The following GLI3 variants were observed in gnomAD, a reference collection of about 807,000 sequenced individuals.
GLI3 encodes the protein transcription activator GLI3.
A neutral mutation model predicts 100.8 loss-of-function variants in GLI3; 20 were observed. The ratio of observed to expected loss-of-function variants is 0.20; its 90% confidence interval spans 0.14 to 0.29. The LOEUF is 0.29. Ranked by LOEUF, GLI3 falls within the 10% of genes least tolerant of loss-of-function variation. The pLI is 1.00. For missense variants in GLI3, 2,040 were observed against 2,128.5 expected (o/e 0.96, Z 0.82); for synonymous variants, 938 against 860.5 (o/e 1.09, Z -1.58).
Position 42,148,286 on chromosome 7 carries a change from G to A in GLI3, c.307C>T (p.Pro103Ser), listed in dbSNP as rs752699928. 3.7e-6 allele frequency: 6 copies of A among 1,613,086 alleles called. No homozygotes were observed. Among genetic ancestry groups the A allele is most frequent in the Middle Eastern group, 3.3e-4 (2 of 6,060 alleles). ...SLPHVAEPSV[P>S]YRGTVFAMDP... ...ATGGCAAACACCGTCCCGCGGTACGGCACAGAGGGCTCCGCCACGTGTGGC... is the reference window on the plus strand; with the variant it reads ...ATGGCAAACACCGTCCCGCGGTACGACACAGAGGGCTCCGCCACGTGTGGC... The change falls in exon 3 of 15, where the codon CCG becomes TCG. Residue 103 changes from proline (P) to serine (S), a missense_variant. Physicochemically the swap from Pro to Ser is moderately conservative, Grantham distance 74. This residue lies in a region of GLI3 where 603 missense variants were observed against 690.9 expected (regional missense o/e 0.87). Coordinates refer to ENST00000395925, the MANE Select transcript of GLI3 (RefSeq NM_000168.6).
chr7:42,011,264 G>A (rs1317245491), intron 10 of GLI3, among the ~76,000 whole-genome samples: 1 of 152,188 alleles, frequency 6.6e-6, no homozygotes, highest in Non-Finnish European at 1.5e-5. Context: ...CAGGCAAGAA[G>A]GGGTGGTACT....
At chr7:42,203,419 C>T (rs774190879) in intron 2 of GLI3, among the ~76,000 whole-genome samples, 1 of 152,144 alleles carries the variant, frequency 6.6e-6, no homozygotes, top group South Asian at 2.1e-4. Context: ...CTCTGGTTAC[C>T]TACTACCATT....
chr7:42,054,283 T>C (rs1222450655), intron 4 of GLI3, among the ~76,000 whole-genome samples: 1 of 152,246 alleles, frequency 6.6e-6, no homozygotes, highest in Non-Finnish European at 1.5e-5. Context: ...AATATTATTA[T>C]ATAATCTAAT....
chr7:41,968,314 T>C (rs1411640345), intron 13 of GLI3, among the ~76,000 whole-genome samples: 1 of 152,176 alleles, frequency 6.6e-6, no homozygotes, highest in Non-Finnish European at 1.5e-5. Flanking sequence ...GGACCATTTA[T>C]TTCAGGGATT....
intron 3 of GLI3, among the ~76,000 whole-genome samples, chr7:42,088,291 T>TC (rs1020140372): frequency 2.0e-5 from 3 of 152,190 alleles, no homozygotes; most frequent in African/African-American, 7.2e-5. Context: ...TACCTCATAC[T>TC]CATTGCTGGA....
intron 3 of GLI3, among the ~76,000 whole-genome samples, chr7:42,127,974 G>A (rs376103931): frequency 1.4e-5 from 2 of 144,916 alleles, no homozygotes; most frequent in Non-Finnish European, 3.0e-5. Flanking sequence ...AGCCATGATC[G>A]AGCCACCACA....
At chr7:41,988,485 G>A (rs1787892739) in intron 10 of GLI3, among the ~76,000 whole-genome samples, 1 of 59,016 alleles carries the variant, frequency 1.7e-5, no homozygotes. Flanking sequence ...GGGGGGGGGG[G>A]TGGGGCCTTA....
upstream of GLI3, among the ~76,000 whole-genome samples, chr7:42,239,897 A>G (rs190920341): frequency 1.3e-5 from 2 of 152,352 alleles, no homozygotes; most frequent in South Asian, 2.1e-4. Flanking sequence ...AAATAATGTC[A>G]TAATGCAGTG....
intron 1 of GLI3, among the ~76,000 whole-genome samples, chr7:42,260,235 T>C (rs1417135077): frequency 6.6e-6 from 1 of 152,208 alleles, no homozygotes; most frequent in African/African-American, 2.4e-5. Flanking sequence ...TTTGACAATT[T>C]CTACAAATAA....
At chr7:41,978,821 G>A in intron 10 of GLI3, 73 bp from the exon 11 acceptor site, 1 of 1,338,290 alleles carries the variant, frequency 7.5e-7, no homozygotes, top group East Asian at 2.3e-5. Flanking sequence ...AGAAGAAAAT[G>A]CAGAAAATAC....
At chr7:42,080,962 T>C (rs1225852471) in intron 3 of GLI3, among the ~76,000 whole-genome samples, 1 of 152,164 alleles carries the variant, frequency 6.6e-6, no homozygotes. Flanking sequence ...CTCAAGCGTA[T>C]ATGTAATAAG....
chr7:42,234,794 T>C (rs774772600), intron 1 of GLI3, among the ~76,000 whole-genome samples: 14 of 152,216 alleles, frequency 9.2e-5, no homozygotes, highest in Non-Finnish European at 1.9e-4. Flanking sequence ...AAGAATTGCA[T>C]ACCCTGAAAG....
At chr7:42,196,164 G>A (rs1003000388) in intron 2 of GLI3, among the ~76,000 whole-genome samples, 1 of 152,184 alleles carries the variant, frequency 6.6e-6, no homozygotes. Context: ...ATTTACTCAT[G>A]ATTAAAGACA....
chr7:42,149,819 G>A (rs903542330), intron 2 of GLI3, among the ~76,000 whole-genome samples: 3 of 152,124 alleles, frequency 2.0e-5, no homozygotes, highest in Non-Finnish European at 2.9e-5. Flanking sequence ...ATAAACATAA[G>A]AATAATGCTT....
rs113898315 is a variant in GLI3 at position 42,023,903 on chromosome 7, T to TAA, written c.1357-297_1357-296dup. On this transcript the variant is annotated intron_variant, in intron 9 of 14. Transcript: ENST00000395925. ...GCTGAAAATAAACCCAAATGTCATC[T>TAA]AAAAAAAAACCCAAAACAAAACGTA... Among the ~76,000 whole-genome samples, 485 of 150,942 alleles carry TAA rather than the reference T, an allele frequency of 3.2e-3. 9 individuals carry two copies. The highest frequency in any genetic ancestry group is 0.01 in the African/African-American group (420 of 41,146).
At chr7:41,994,815 G>A (rs934427472) in intron 10 of GLI3, among the ~76,000 whole-genome samples, 1 of 152,176 alleles carries the variant, frequency 6.6e-6, no homozygotes. Context: ...TTTGGCCGGT[G>A]TATATTGCAT....
chr7:42,203,346 C>G (rs1788084016), intron 2 of GLI3, among the ~76,000 whole-genome samples: 1 of 152,096 alleles, frequency 6.6e-6, no homozygotes, highest in Non-Finnish European at 1.5e-5. Flanking sequence ...TTCCTCCTAC[C>G]TAACTGTAAT....
rs186655165 is a variant in GLI3 at position 42,117,744 on chromosome 7, G to C, written c.367+30482C>G. On this transcript the variant is annotated intron_variant, in intron 3 of 14. Coordinates refer to ENST00000395925, the MANE Select transcript of GLI3 (RefSeq NM_000168.6). ...TCTAGCAAAGTGTATGATCTCAGAG[G>C]CCATACATGTTCATTTACAGTAGAG... 2.3e-4 allele frequency among the ~76,000 whole-genome samples: 35 copies of C among 152,276 alleles called. 1 individual carries two copies. In the East Asian group the frequency reaches 6.6e-3, roughly 29 times the overall value.
chr7:42,074,247 G>A (rs1199977536), intron 4 of GLI3, among the ~76,000 whole-genome samples: 1 of 152,166 alleles, frequency 6.6e-6, no homozygotes, highest in East Asian at 1.9e-4. Flanking sequence ...TCATTTCCAC[G>A]TTACGAAACC....
Sources: gnomAD v4.1 joint callset for allele counts (sites outside exome capture counted in the v4.1 genomes callset) on GRCh38, gnomAD v4.1.1 for gene constraint, gnomAD v4.1.1 regional missense constraint, MANE v1.5 for transcripts, NCBI Gene and HGNC (gene_info 2026-07-23, HGNC 2026-07-21) for gene names.